The following NHSL2 variants were observed in gnomAD, a reference collection of about 807,000 sequenced individuals.
NHSL2 encodes NHS-like protein 2.
NHSL2 carries 27 observed loss-of-function variants against 53.4 expected under a neutral mutation model. The observed-to-expected ratio is 0.51, with a 90% CI of 0.37 to 0.70. The LOEUF (loss-of-function observed/expected upper bound fraction) is 0.70. NHSL2 is among the 30% of genes least tolerant of loss of function. The pLI is 0.00. For missense variants in NHSL2, 892 were observed against 980.1 expected (o/e 0.91, Z 1.20); for synonymous variants, 408 against 404.1 (o/e 1.01, Z -0.12).
chrX:72,020,126 C>A (rs1271992380), intron 1 of NHSL2, among the ~76,000 whole-genome samples: 1 of 112,770 alleles, frequency 8.9e-6, no homozygotes, highest in East Asian at 2.8e-4. Flanking sequence ...GATTTTTACA[C>A]TAACACAGGC....
intron 7 of NHSL2, among the ~76,000 whole-genome samples, chrX:72,142,679 T>C (rs976706244): frequency 7.2e-5 from 8 of 110,708 alleles, no homozygotes; most frequent in African/African-American, 9.9e-5. Context: ...ACTTGGCCTA[T>C]TGTGGCTCCA....
In NHSL2 at chrX:72,138,679, C is replaced by T. The variant is rs2042381163; in HGVS notation, c.1131C>T (p.Pro377=). The change falls in exon 6 of 8, where the codon CCC becomes CCT. Residue 377 remains proline (P), a synonymous_variant. Transcript: ENST00000633930. ...MESMGMVYSV[P]SSCNGPTEST... is the part of the protein sequence containing the mutation. The stretch of plus-strand genomic sequence containing the variant: ...GCATGGGAATGGTGTACAGTGTCCC[C>T]AGTTCTTGCAATGGACCTACAGAAT... 1 of 1,189,766 alleles carries T rather than the reference C, an allele frequency of 8.4e-7. No individual in the cohort carries two copies. Among genetic ancestry groups the T allele is most frequent in the Non-Finnish European group, 1.1e-6 (1 of 884,251 alleles).
At chrX:71,997,914 TTTG>T (rs202079708) in intron 1 of NHSL2, among the ~76,000 whole-genome samples, 3,609 of 111,816 alleles carry the variant, frequency 0.032, 149 homozygotes, top group African/African-American at 0.11. Context: ...AGTGTTAGTT[TTTG>T]TTGTTATCTT....
chrX:72,078,360 C>T (rs2041761591), intron 1 of NHSL2, among the ~76,000 whole-genome samples: 1 of 112,425 alleles, frequency 8.9e-6, no homozygotes, highest in Non-Finnish European at 1.9e-5. Flanking sequence ...TAGGCTCCAC[C>T]CCTCAGAAGT....
chrX:71,917,854 C>T (rs976851829), intron 1 of NHSL2, among the ~76,000 whole-genome samples: 1 of 111,158 alleles, frequency 9.0e-6, no homozygotes, highest in African/African-American at 3.3e-5. Flanking sequence ...GGAGAGGGAG[C>T]AAGGCACCTC....
intron 1 of NHSL2, among the ~76,000 whole-genome samples, chrX:72,000,294 G>GT (rs1348086984): frequency 1.8e-5 from 2 of 111,609 alleles, no homozygotes; most frequent in Non-Finnish European, 3.8e-5. Flanking sequence ...ACTCTATGAA[G>GT]TGAGGGTATT....
At chrX:71,969,416 G>A (rs980180860) in intron 1 of NHSL2, among the ~76,000 whole-genome samples, 4 of 106,956 alleles carry the variant, frequency 3.7e-5, no homozygotes, top group Non-Finnish European at 5.8e-5. Flanking sequence ...GGGTTCAAGC[G>A]ATTCTCCTGC....
chrX:72,118,751 T>G (rs1457604778), intron 1 of NHSL2, among the ~76,000 whole-genome samples: 1 of 112,360 alleles, frequency 8.9e-6, no homozygotes, highest in African/African-American at 3.2e-5. Flanking sequence ...GATGGCATTA[T>G]TTGTGAACAA....
At chrX:71,997,948 C>T (rs903502631) in intron 1 of NHSL2, among the ~76,000 whole-genome samples, 2 of 111,932 alleles carry the variant, frequency 1.8e-5, no homozygotes, top group East Asian at 2.8e-4. Context: ...ACAATAGTTC[C>T]AACAGGAGCA....
chrX:72,046,366 G>A (rs1237595793), intron 1 of NHSL2, among the ~76,000 whole-genome samples: 1 of 112,204 alleles, frequency 8.9e-6, no homozygotes, highest in Non-Finnish European at 1.9e-5. Context: ...CAGGCCAAGG[G>A]CTGCAAGTGG....
chrX:72,048,266 C>T (rs1417245504), intron 1 of NHSL2, among the ~76,000 whole-genome samples: 1 of 110,367 alleles, frequency 9.1e-6, no homozygotes, highest in Non-Finnish European at 1.9e-5. Context: ...CCTATGCATC[C>T]GAGGAGGCAT....
chrX:72,114,709 A>C (rs550481194), intron 1 of NHSL2, among the ~76,000 whole-genome samples: 2 of 112,713 alleles, frequency 1.8e-5, no homozygotes, highest in African/African-American at 6.4e-5. Flanking sequence ...AAGAGGGCTA[A>C]CAACAAAATG....
chrX:71,949,550 T>TCA (rs2041810238), intron 1 of NHSL2, among the ~76,000 whole-genome samples: 1 of 111,345 alleles, frequency 9.0e-6, no homozygotes. Context: ...CCCGCCTGGC[T>TCA]CACACACGGG....
In NHSL2 at chrX:72,065,709, A is replaced by C. The variant is rs138871462; in HGVS notation, c.281-66370A>C. Among the ~76,000 whole-genome samples the C allele has an allele frequency of 4.5e-4, 50 of 112,127 alleles. No individual in the cohort carries two copies. The East Asian group carries it at 0.01, about 23-fold the overall frequency. ...AGGTGTTTTCATTCCCCCATTATAC[A>C]TGGAAAATGGAAGCTGGGGAGGTTA... On this transcript the variant is annotated intron_variant, in intron 1 of 7. Transcript: ENST00000633930.
At chrX:72,050,815 G>A (rs1244138589) in intron 1 of NHSL2, among the ~76,000 whole-genome samples, 1 of 109,964 alleles carries the variant, frequency 9.1e-6, no homozygotes. Context: ...CTTGAACCCG[G>A]GAGGCAGAGA....
intron 1 of NHSL2, among the ~76,000 whole-genome samples, chrX:71,939,715 C>T (rs1212134726): frequency 1.8e-5 from 2 of 111,804 alleles, no homozygotes; most frequent in African/African-American, 3.3e-5. Flanking sequence ...TTACCTAAAA[C>T]GAGAATATTA....
rs2041596903 is a variant in NHSL2, at chrX:71,910,857, G to T, written c.-231G>T. 2 of 223,705 alleles carry T rather than the reference G, an allele frequency of 8.9e-6. No individual in the cohort carries two copies. Among genetic ancestry groups the T allele is most frequent in the Non-Finnish European group, 1.6e-5 (2 of 124,741 alleles). 18.4% of individuals were successfully genotyped at this position (223,705 alleles called of 1,213,427 possible). On this transcript the variant is annotated 5_prime_UTR_variant, in exon 1 of 8. Coordinates refer to ENST00000633930, the MANE Select transcript of NHSL2 (RefSeq NM_001013627.3). ...GCGAAGCAGAGTCAGAGGGACTGGT[G>T]GCTCCGGCGAGTGTGCAGCCCCGGG... is the stretch of plus-strand genomic sequence containing the variant.
rs754264255 is a variant in NHSL2 at position 72,015,167 on chromosome X, C to T, written c.280+103800C>T. Reference sequence around the variant, plus strand: ...AAAATCCAGGGAACTCACCACATGCCGTTCCTTGAGTCCTGAGGTCTCTTG... The same window carrying T: ...AAAATCCAGGGAACTCACCACATGCTGTTCCTTGAGTCCTGAGGTCTCTTG... On this transcript the variant is annotated intron_variant, in intron 1 of 7. Coordinates refer to ENST00000633930, the MANE Select transcript of NHSL2 (RefSeq NM_001013627.3). Among the ~76,000 whole-genome samples the T allele has an allele frequency of 2.1e-4, 23 of 111,216 alleles. No homozygotes were observed. The South Asian group carries it at 8.8e-3, about 43-fold the overall frequency.
chrX:71,958,579 C>A (rs2041853814), intron 1 of NHSL2, among the ~76,000 whole-genome samples: 1 of 111,624 alleles, frequency 9.0e-6, no homozygotes, highest in Non-Finnish European at 1.9e-5. Flanking sequence ...GTTCATTGGG[C>A]TGCCCCAAAA....
Sources: gnomAD v4.1 joint callset for allele counts (sites outside exome capture counted in the v4.1 genomes callset) on GRCh38, gnomAD v4.1.1 for gene constraint, MANE v1.5 for transcripts, NCBI Gene and HGNC (gene_info 2026-07-23, HGNC 2026-07-21) for gene names.